The following HFM1 variants were observed in gnomAD, a reference collection of about 807,000 sequenced individuals.
HFM1 encodes the protein probable ATP-dependent DNA helicase HFM1.
In HFM1, 169 loss-of-function variants were observed where a neutral mutation model predicts 192.1. The observed-to-expected ratio is 0.88, with a 90% CI of 0.78 to 1.00. The LOEUF (loss-of-function observed/expected upper bound fraction) is 1.00, where lower values mean the gene tolerates loss of function less well. HFM1 is among the 50% of genes least tolerant of loss of function. The pLI is 0.00. For missense variants in HFM1, 1,661 were observed against 1,668.0 expected (o/e 1.00, Z 0.07); for synonymous variants, 525 against 537.8 (o/e 0.98, Z 0.33).
chr1:91,290,370 T>C (rs369105413), intron 30 of HFM1, among the ~76,000 whole-genome samples: 22 of 151,576 alleles, frequency 1.5e-4, no homozygotes, highest in Admixed American at 8.5e-4. Context: ...ACCAAGCAAA[T>C]GGAAAACAAA....
At chr1:91,406,606 C>G (rs539125438), upstream of HFM1, among the ~76,000 whole-genome samples, 57 of 152,278 alleles carry the variant, frequency 3.7e-4, no homozygotes, top group African/African-American at 1.4e-3. Context: ...CCACATTTCT[C>G]AAGAAAACAT....
At chr1:91,262,415 C>A in intron 37 of HFM1, 23 bp from the exon 38 acceptor site, 1 of 1,578,254 alleles carries the variant, frequency 6.3e-7, no homozygotes, top group Non-Finnish European at 8.6e-7. Flanking sequence ...TAAAAAATAA[C>A]AATCATTGAA....
At chr1:91,299,067 A>G (rs1441384814) in intron 30 of HFM1, among the ~76,000 whole-genome samples, 2 of 152,206 alleles carry the variant, frequency 1.3e-5, no homozygotes, top group African/African-American at 4.8e-5. Flanking sequence ...AGACACATAT[A>G]GGCTCAAAAT....
chr1:91,285,668 T>G (rs1667894916), intron 30 of HFM1, among the ~76,000 whole-genome samples: 1 of 152,224 alleles, frequency 6.6e-6, no homozygotes, highest in Non-Finnish European at 1.5e-5. Context: ...AAGATTTGGA[T>G]GATTACATAC....
Position 91,315,740 on chromosome 1 carries a change from T to C in HFM1, c.3140+75A>G, listed in dbSNP as rs1036805669. ...GTTGATCCCACAATGATCTTGTTAT[T>C]TTTTTTTCAGTAGAATTTTTCTTTT... On this transcript the variant is annotated intron_variant, in intron 28 of 38. Coordinates refer to ENST00000370425, the MANE Select transcript of HFM1 (RefSeq NM_001017975.6). 5 of 1,080,954 alleles carry C rather than the reference T, an allele frequency of 4.6e-6. No individual in the cohort carries two copies. In the African/African-American group the frequency reaches 6.3e-5, roughly 14 times the overall value. The allele number at this position is 1,080,954 out of a possible 1,614,324, so 67.0% of individuals were successfully genotyped here.
At chr1:91,310,469 G>A (rs375777843) in intron 30 of HFM1, among the ~76,000 whole-genome samples, 8 of 152,284 alleles carry the variant, frequency 5.3e-5, no homozygotes, top group African/African-American at 1.9e-4. Context: ...TAACAAATCT[G>A]TTGATTCTTG....
At chr1:91,347,706 A>G (rs946001583) in intron 18 of HFM1, among the ~76,000 whole-genome samples, 1 of 152,210 alleles carries the variant, frequency 6.6e-6, no homozygotes, top group African/African-American at 2.4e-5. Flanking sequence ...CATAGCAAGT[A>G]TCTATCAAGT....
intron 4 of HFM1, among the ~76,000 whole-genome samples, chr1:91,386,057 C>A (rs911883093): frequency 1.3e-5 from 2 of 152,184 alleles, no homozygotes; most frequent in Non-Finnish European, 2.9e-5. Context: ...CAGTCATCCT[C>A]CAAAACAGCC....
chr1:91,377,858 T>G (rs150889610), intron 11 of HFM1, 167 bp downstream of exon 11: 6 of 623,984 alleles, frequency 9.6e-6, no homozygotes, highest in African/African-American at 5.8e-5. Context: ...TAACCAAATT[T>G]TATGGCCTTA....
chr1:91,291,047 A>G (rs901263006), intron 30 of HFM1, among the ~76,000 whole-genome samples: 2 of 152,206 alleles, frequency 1.3e-5, no homozygotes, highest in African/African-American at 4.8e-5. Context: ...GACACATTCA[A>G]AGCAGTGTGT....
At position 91,322,999 on chromosome 1, in the gene HFM1, T is replaced by G. The variant is rs1384643355; in HGVS notation, c.2535-2A>C. ...TTAATTCTTCCTTCCATTGGAAATCTGTAAATAAAACCACATGGCAAAACA... is the reference window on the plus strand; with the variant it reads ...TTAATTCTTCCTTCCATTGGAAATCGGTAAATAAAACCACATGGCAAAACA... On this transcript the variant is annotated splice_acceptor_variant, in intron 22 of 38. Transcript: ENST00000370425. LOFTEE classifies it high-confidence loss of function. 1 of 1,378,044 alleles carries G rather than the reference T, an allele frequency of 7.3e-7. No homozygotes were observed. Among genetic ancestry groups the G allele is most frequent in the Non-Finnish European group, 9.8e-7 (1 of 1,025,380 alleles). The allele number at this position is 1,378,044 out of a possible 1,614,324, so 85.4% of individuals were successfully genotyped here.
At position 91,382,955 on chromosome 1, in the gene HFM1, C is replaced by T. The variant is rs77857095; in HGVS notation, c.803-1973G>A. On this transcript the variant is annotated intron_variant, in intron 6 of 38. Transcript: ENST00000370425. Reference sequence around the variant, plus strand: ...ACCAATCTGAGAAAACGTCTATTGCCCTGAGGATTCAAATGCAGTAAAATA... The same window carrying T: ...ACCAATCTGAGAAAACGTCTATTGCTCTGAGGATTCAAATGCAGTAAAATA... Among the ~76,000 whole-genome samples the T allele has an allele frequency of 1.8e-3, 268 of 152,140 alleles. 2 individuals are homozygous for T. Among genetic ancestry groups the T allele is most frequent in the African/African-American group, 6.3e-3 (261 of 41,528 alleles).
intron 30 of HFM1, among the ~76,000 whole-genome samples, chr1:91,304,005 C>T (rs1024608359): frequency 6.6e-6 from 1 of 152,048 alleles, no homozygotes; most frequent in Admixed American, 6.6e-5. Context: ...CAGGCGTGCA[C>T]CAACACGCCT....
chr1:91,264,429 G>A (rs548828834), intron 36 of HFM1, among the ~76,000 whole-genome samples: 299 of 122,014 alleles, frequency 2.5e-3, no homozygotes, highest in African/African-American at 8.6e-3. Flanking sequence ...TGGAAGTGCA[G>A]TGGCGCAATC....
intron 11 of HFM1, among the ~76,000 whole-genome samples, chr1:91,377,066 G>A (rs138248752): frequency 5.5e-4 from 75 of 136,886 alleles, no homozygotes; most frequent in African/African-American, 2.0e-3. Context: ...AATATTTAAT[G>A]ATATAAAAAT....
At chr1:91,266,711 G>A (rs1179764226) in intron 35 of HFM1, among the ~76,000 whole-genome samples, 1 of 152,132 alleles carries the variant, frequency 6.6e-6, no homozygotes. Context: ...TGCCGTCTTA[G>A]GACTAGGCTA....
intron 20 of HFM1, among the ~76,000 whole-genome samples, chr1:91,342,316 T>C (rs568465608): frequency 7.2e-5 from 11 of 152,116 alleles, no homozygotes; most frequent in African/African-American, 2.6e-4. Flanking sequence ...TCTTGGCTTA[T>C]TGAATATTTT....
At chr1:91,364,934 G>GTA (rs539492527) in intron 13 of HFM1, among the ~76,000 whole-genome samples, 161 of 151,288 alleles carry the variant, frequency 1.1e-3, no homozygotes, top group East Asian at 2.1e-3. Flanking sequence ...CGCCTGGTGT[G>GTA]TATATATATA....
chr1:91,383,603 T>A (rs1661813848), intron 6 of HFM1, among the ~76,000 whole-genome samples: 1 of 152,140 alleles, frequency 6.6e-6, no homozygotes, highest in Admixed American at 6.5e-5. Context: ...GTGCCCAGGA[T>A]TAGAGTTATT....
Sources: gnomAD v4.1 joint callset for allele counts (sites outside exome capture counted in the v4.1 genomes callset) on GRCh38, gnomAD v4.1.1 for gene constraint, MANE v1.5 for transcripts, NCBI Gene and HGNC (gene_info 2026-07-23, HGNC 2026-07-21) for gene names.